The following TMEM260 variants were observed in gnomAD, a reference collection of about 807,000 sequenced individuals.
TMEM260 encodes protein O-mannosyl-transferase TMEM260.
In TMEM260, 82 loss-of-function variants were observed where a neutral mutation model predicts 88.9. The ratio of observed to expected loss-of-function variants is 0.92; its 90% CI spans 0.77 to 1.11. TMEM260 has a LOEUF of 1.11. Among genes scored for constraint, TMEM260 ranks in the 50% least tolerant of loss-of-function variants. The probability of loss-of-function intolerance (pLI) is 0.00; values close to 1 mark genes in which losing one functional copy is unlikely to be tolerated. For missense variants in TMEM260, 902 were observed against 853.4 expected, an observed-to-expected ratio of 1.06 and a Z score of -0.71; for synonymous variants, 314 against 309.3, an observed-to-expected ratio of 1.02 and a Z score of -0.16.
At position 56,647,343 on chromosome 14, in the gene TMEM260, A is replaced by C. The variant is rs563984970; in HGVS notation, c.1970A>C (p.Asp657Ala). 1 of 1,614,114 alleles carries C rather than the reference A, an allele frequency of 6.2e-7. No homozygotes were observed. The highest frequency in any genetic ancestry group is 8.5e-7 in the Non-Finnish European group (1 of 1,180,052). Residue 657 changes from aspartate (D) to alanine (A), a missense_variant, in exon 16 of 16, where the codon GAT (aspartate) becomes GCT (alanine). Physicochemically the swap from Asp to Ala is moderately radical, Grantham distance 126 (BLOSUM62 -2). Transcript: ENST00000261556. The part of the protein sequence containing the change: ...CERMLRLQAR[D>A]ADPEVLLSET... ...CGGATGCTGCGTCTTCAGGCAAGAGATGCAGATCCTGAAGTGCTGTTATCG... is the reference window on the plus strand; with the variant it reads ...CGGATGCTGCGTCTTCAGGCAAGAGCTGCAGATCCTGAAGTGCTGTTATCG...
Position 56,618,654 on chromosome 14 carries a change from G to A in TMEM260, c.1117G>A (p.Ala373Thr), listed in dbSNP as rs370134577. The A allele has an allele frequency of 5.0e-6, 8 of 1,614,096 alleles. No individual in the cohort carries two copies. In the African/African-American group the frequency reaches 9.3e-5, roughly 19 times the overall value. Residue 373 changes from alanine to threonine, a missense_variant, in exon 10 of 16, where the codon GCT (alanine) becomes ACT (threonine). Ala to Thr is a moderately conservative substitution (Grantham distance 58). Transcript: ENST00000261556. ...VVAVLAGIGLAAVVSETNRVL... is the reference protein window; with the variant it reads ...VVAVLAGIGLTAVVSETNRVL... ...GGCCGTCCTCGCTGGCATTGGTTTG[G>A]CTGCAGTTGTGTCTGAGACTAACCG...
At position 56,647,856 on chromosome 14, in the gene TMEM260, G is replaced by A. The variant is rs999227512; in HGVS notation, c.*359G>A. 12 of 173,688 alleles carry A rather than the reference G, an allele frequency of 6.9e-5. No individual in the cohort carries two copies. The highest frequency in any genetic ancestry group is 1.2e-5 in the Non-Finnish European group (1 of 81,286). The allele number at this position is 173,688 out of a possible 1,614,324, so 10.8% of individuals were successfully genotyped here. ...GAACTGTGTAAGGGCCATGCTTATT[G>A]GGATCAGTTTTAAAGTTAAATTCTT... is the stretch of plus-strand genomic sequence containing the variant. On this transcript the variant is annotated 3_prime_UTR_variant, in exon 16 of 16. Coordinates refer to ENST00000261556, the MANE Select transcript of TMEM260 (RefSeq NM_017799.4).
chr14:56,647,844 G>A lies in TMEM260; in HGVS notation c.*347G>A, dbSNP rs992905415. 1 of 188,338 alleles carries A rather than the reference G, an allele frequency of 5.3e-6. No homozygotes were observed. Among genetic ancestry groups the A allele is most frequent in the African/African-American group, 2.4e-5 (1 of 42,364 alleles). 11.7% of individuals were successfully genotyped at this position (188,338 alleles called of 1,614,324 possible). A position where few individuals can be genotyped will look rare whatever the true frequency, so the allele number is the denominator to read the frequency against. On this transcript the variant is annotated 3_prime_UTR_variant, in exon 16 of 16. Transcript: ENST00000261556. ...AATATTGGTCATGAACTGTGTAAGG[G>A]CCATGCTTATTGGGATCAGTTTTAA...
rs757874987 is a variant in TMEM260, at chr14:56,638,895, A to C, written c.1869+2297A>C. 4.6e-5 allele frequency among the ~76,000 whole-genome samples: 7 copies of C among 152,330 alleles called. No individual in the cohort carries two copies. In the South Asian group the frequency reaches 8.3e-4, roughly 18 times the overall value. On this transcript the variant is annotated intron_variant, in intron 15 of 15. Coordinates refer to ENST00000261556, the MANE Select transcript of TMEM260 (RefSeq NM_017799.4). ...ACCAAGACTAATATCACAGCAACAC[A>C]TGTATATAGAGGAGGAAATATAATT... is the stretch of plus-strand genomic sequence containing the variant.
Position 56,585,900 on chromosome 14 carries a change from T to C in TMEM260, c.332T>C (p.Phe111Ser), listed in dbSNP as rs765356854. ...FGAVAASLLF[F>S]TVFRLSGSSA... Reference sequence around the variant, plus strand: ...GCAGTAGCTGCATCATTACTTTTTTTCACCGTTTTCAGGTAAAGTAGTTGA... The same window carrying C: ...GCAGTAGCTGCATCATTACTTTTTTCCACCGTTTTCAGGTAAAGTAGTTGA... The change falls in exon 3 of 16, where the codon TTC becomes TCC. Residue 111 changes from phenylalanine (F) to serine (S), a missense_variant. Phe to Ser is a radical substitution (Grantham distance 155, BLOSUM62 -2). Coordinates refer to ENST00000261556, the MANE Select transcript of TMEM260 (RefSeq NM_017799.4). The C allele has an allele frequency of 2.2e-5, 36 of 1,612,148 alleles. No individual in the cohort carries two copies. The highest frequency in any genetic ancestry group is 1.1e-5 in the South Asian group (1 of 90,534).
the TMEM260 span, among the ~76,000 whole-genome samples, chr14:56,663,085 C>T: frequency 1.4e-4 from 22 of 152,182 alleles, 1 homozygote; most frequent in African/African-American, 4.6e-4. The surrounding 1 kb of genome is among the most constrained non-coding windows in gnomAD (Gnocchi z 4.1). Flanking sequence ...GCCAAGATCG[C>T]GCTGTTGCCC....
At chr14:56,662,201 T>G in the TMEM260 span, among the ~76,000 whole-genome samples, 2 of 152,200 alleles carry the variant, frequency 1.3e-5, no homozygotes, top group Admixed American at 1.3e-4. Flanking sequence ...TAAACATCTT[T>G]CCGCCAGAAG....
In TMEM260 at chr14:56,579,829, C is replaced by T. The variant is rs1040183081; in HGVS notation, c.-86C>T. The T allele has an allele frequency of 1.7e-5, 20 of 1,198,122 alleles. No homozygotes were observed. The highest frequency in any genetic ancestry group is 2.1e-5 in the Non-Finnish European group (20 of 957,728). 74.2% of individuals were successfully genotyped at this position (1,198,122 alleles called of 1,614,324 possible). ...GAAGCCGCCGTGGCCGCCGCACAAGCTGCGCTCGTCTCTCGGCTGGGGAGC... is the reference window on the plus strand; with the variant it reads ...GAAGCCGCCGTGGCCGCCGCACAAGTTGCGCTCGTCTCTCGGCTGGGGAGC... On this transcript the variant is annotated 5_prime_UTR_variant, in exon 1 of 16. Coordinates refer to ENST00000261556, the MANE Select transcript of TMEM260 (RefSeq NM_017799.4).
chr14:56,588,245 G>C (rs1485198216), intron 3 of TMEM260, among the ~76,000 whole-genome samples: 1 of 152,008 alleles, frequency 6.6e-6, no homozygotes, highest in Non-Finnish European at 1.5e-5. Context: ...TAGGATTAGT[G>C]CTGACTGGTG....
downstream of TMEM260, among the ~76,000 whole-genome samples, chr14:56,654,933 A>C (rs1178503639): frequency 6.6e-6 from 1 of 152,090 alleles, no homozygotes; most frequent in Non-Finnish European, 1.5e-5. Context: ...TGTAGGTGAC[A>C]ATGATTTCTC....
In TMEM260 at chr14:56,617,204, A is replaced by G. The variant is rs1330771235; in HGVS notation, c.963A>G (p.Leu321=). The G allele has an allele frequency of 1.3e-6, 2 of 1,598,746 alleles. No homozygotes were observed. Among genetic ancestry groups the G allele is most frequent in the Admixed American group, 3.5e-5 (2 of 56,824 alleles). The change falls in exon 9 of 16, where the codon TTA becomes TTG. Residue 321 remains leucine, a synonymous_variant. Transcript: ENST00000261556. ...LATKDRQNPS[L]VWLFTGMFCI... ...GTAGGGACAGACAGAATCCATCATT[A>G]GTATGGCTTTTTACTGGAATGTTTT...
chr14:56,596,280 T>C (rs374674000), intron 3 of TMEM260, among the ~76,000 whole-genome samples: 2 of 151,912 alleles, frequency 1.3e-5, no homozygotes. Flanking sequence ...CATTAAAAAC[T>C]ATAAATAAAG....
rs888097267 is a variant in TMEM260, at chr14:56,616,097, C to T, written c.941+70C>T. On this transcript the variant is annotated intron_variant, in intron 8 of 15. Coordinates refer to ENST00000261556, the MANE Select transcript of TMEM260 (RefSeq NM_017799.4). The stretch of plus-strand genomic sequence containing the variant: ...AATTGAATTAATGTTTTCAGTATGT[C>T]GCTGTAGGACATTGCCAGTATTATT... The T allele has an allele frequency of 1.5e-5, 17 of 1,129,898 alleles. No individual in the cohort carries two copies. In the East Asian group the frequency reaches 2.4e-4, roughly 16 times the overall value. 70.0% of individuals were successfully genotyped at this position (1,129,898 alleles called of 1,614,324 possible). A position where few individuals can be genotyped will look rare whatever the true frequency, so the allele number is the denominator to read the frequency against.
chr14:56,633,158 G>A lies in TMEM260; in HGVS notation c.1711G>A (p.Glu571Lys), dbSNP rs748665207. 3.8e-5 allele frequency: 62 copies of A among 1,610,934 alleles called. 1 individual carries two copies. The South Asian group carries it at 5.5e-4, about 14-fold the overall frequency. ...KLTKSIYNWTEEYGRFDPSSW... is the reference protein window; with the variant it reads ...KLTKSIYNWTKEYGRFDPSSW... The stretch of plus-strand genomic sequence containing the variant: ...TACAAAAAGTATCTATAACTGGACC[G>A]AAGAATATGGAAGGTATGAACAGCA... Residue 571 changes from glutamate (E) to lysine (K), a missense_variant, in exon 13 of 16, where the codon GAA becomes AAA. Transcript: ENST00000261556.
downstream of TMEM260, among the ~76,000 whole-genome samples, chr14:56,653,228 C>A (rs944616259): frequency 3.3e-5 from 5 of 151,918 alleles, no homozygotes; most frequent in African/African-American, 9.7e-5. Context: ...TAAAAAAATA[C>A]CACAATGCAT....
intron 10 of TMEM260, among the ~76,000 whole-genome samples, chr14:56,621,276 C>T (rs1887900040): frequency 6.6e-6 from 1 of 152,078 alleles, no homozygotes; most frequent in South Asian, 2.1e-4. Context: ...TTCTTGTGTA[C>T]TGATTCCCTT....
chr14:56,635,360 T>C (rs1225551688), intron 14 of TMEM260, among the ~76,000 whole-genome samples: 1 of 152,216 alleles, frequency 6.6e-6, no homozygotes, highest in African/African-American at 2.4e-5. Context: ...TAAGCACTTA[T>C]TCAGTACTTA....
In TMEM260 at chr14:56,625,535, G is replaced by C. The variant is rs1205564697; in HGVS notation, c.1547+5G>C. On this transcript the variant is annotated splice_donor_5th_base_variant and intron_variant, in intron 12 of 15. Transcript: ENST00000261556. ...TTTTCTTGAAGTAAATAAACAGTAA[G>C]CATTCTTTTTATATAATAGCTTTTC... 1.9e-6 allele frequency: 3 copies of C among 1,579,942 alleles called. No individual in the cohort carries two copies. The highest frequency in any genetic ancestry group is 2.6e-6 in the Non-Finnish European group (3 of 1,156,348).
At position 56,624,371 on chromosome 14, in the gene TMEM260, C is replaced by T. The variant is rs186912714; in HGVS notation, c.1399-1011C>T. ...GGTGGAGCACTTGAGGCCAGGAGTT[C>T]GACACCAGCCTGGCCAACATGGTGA... On this transcript the variant is annotated intron_variant, in intron 11 of 15. Coordinates refer to ENST00000261556, the MANE Select transcript of TMEM260 (RefSeq NM_017799.4). Among the ~76,000 whole-genome samples the T allele has an allele frequency of 1.2e-3, 177 of 152,202 alleles. 2 individuals are homozygous for T. Among genetic ancestry groups the T allele is most frequent in the African/African-American group, 3.9e-3 (162 of 41,512 alleles).
Sources: allele counts gnomAD v4.1 joint callset (sites outside exome capture counted in the v4.1 genomes callset), GRCh38; gene constraint gnomAD v4.1.1; non-coding constraint Gnocchi (gnomAD v3.1); transcripts MANE v1.5; gene names NCBI Gene and HGNC (gene_info 2026-07-23, HGNC 2026-07-21).